The following ADGRB3 variants were observed in gnomAD, a reference collection of about 807,000 sequenced individuals.
ADGRB3 encodes adhesion G protein-coupled receptor B3, also known as brain-specific angiogenesis inhibitor 3.
ADGRB3 carries 37 observed loss-of-function variants against 193.4 expected under a neutral mutation model. The observed-to-expected ratio is 0.19, with a 90% CI of 0.15 to 0.25. ADGRB3 has a LOEUF of 0.25. ADGRB3 is among the 10% of genes least tolerant of loss of function. The pLI is 1.00. For missense variants in ADGRB3, 1,637 were observed against 1,852.9 expected, an observed-to-expected ratio of 0.88 and a Z score of 2.14; for synonymous variants, 690 against 644.2, an observed-to-expected ratio of 1.07 and a Z score of -1.08.
intron 3 of ADGRB3, among the ~76,000 whole-genome samples, chr6:68,835,198 C>G (rs573018857): frequency 6.6e-6 from 1 of 152,092 alleles, no homozygotes; most frequent in Non-Finnish European, 1.5e-5. Flanking sequence ...ATTTTAAATA[C>G]TTTCCATATA....
intron 13 of ADGRB3, among the ~76,000 whole-genome samples, chr6:69,042,277 G>A (rs1172253501): frequency 6.6e-6 from 1 of 152,092 alleles, no homozygotes; most frequent in Non-Finnish European, 1.5e-5. Flanking sequence ...ATTGCAACAC[G>A]AGAACAGCCT....
intron 6 of ADGRB3, among the ~76,000 whole-genome samples, chr6:68,952,611 C>T (rs1767958406): frequency 6.6e-6 from 1 of 151,950 alleles, no homozygotes; most frequent in Admixed American, 6.6e-5. Flanking sequence ...AACAAACCTG[C>T]ACGTTGTGCA....
intron 3 of ADGRB3, among the ~76,000 whole-genome samples, chr6:68,827,135 G>A (rs563585019): frequency 1.1e-4 from 17 of 152,226 alleles, no homozygotes; most frequent in African/African-American, 3.1e-4. Context: ...TCTATATTGC[G>A]AGATTTGGGA....
chr6:69,329,431 C>T (rs530800092), intron 22 of ADGRB3, among the ~76,000 whole-genome samples: 1 of 152,030 alleles, frequency 6.6e-6, no homozygotes, highest in African/African-American at 2.4e-5. Context: ...TATATAATTA[C>T]CTTACATACT....
At chr6:68,970,239 C>T (rs909440370) in intron 8 of ADGRB3, among the ~76,000 whole-genome samples, 2 of 151,832 alleles carry the variant, frequency 1.3e-5, no homozygotes, top group African/African-American at 4.8e-5. Flanking sequence ...ACCTTGCCTC[C>T]TCCCTTTGAC....
chr6:69,382,212 C>T (rs1769964174), intron 30 of ADGRB3, among the ~76,000 whole-genome samples: 1 of 151,932 alleles, frequency 6.6e-6, no homozygotes, highest in African/African-American at 2.4e-5. Context: ...TGTTAAGAAT[C>T]TATACCATCT....
chr6:68,662,588 T>G (rs937445875), intron 3 of ADGRB3, among the ~76,000 whole-genome samples: 3 of 151,530 alleles, frequency 2.0e-5, no homozygotes, highest in African/African-American at 7.3e-5. Flanking sequence ...TTTAGGAGTC[T>G]GAGTTAAAGA....
intron 3 of ADGRB3, among the ~76,000 whole-genome samples, chr6:68,854,593 C>A (rs569422954): frequency 6.6e-6 from 1 of 151,820 alleles, no homozygotes; most frequent in Admixed American, 6.6e-5. Context: ...TTGGTGCAAA[C>A]AAGTGACCAG....
At chr6:69,069,731 TAAAAAAAA>T (rs754345752) in intron 16 of ADGRB3, among the ~76,000 whole-genome samples, 1 of 108,238 alleles carries the variant, frequency 9.2e-6, no homozygotes, top group African/African-American at 4.0e-5. Context: ...ACTCTCTCAT[TAAAAAAAA>T]AAAAAAAAAA....
At chr6:68,891,571 CAGAA>C (rs1272372877) in intron 3 of ADGRB3, among the ~76,000 whole-genome samples, 1 of 152,044 alleles carries the variant, frequency 6.6e-6, no homozygotes, top group Admixed American at 6.6e-5. Flanking sequence ...ATGTCTGAGT[CAGAA>C]GGAAGGAGTC....
chr6:69,082,390 C>A, intron 17 of ADGRB3, among the ~76,000 whole-genome samples: 1 of 152,046 alleles, frequency 6.6e-6, no homozygotes, highest in Admixed American at 6.6e-5. Flanking sequence ...TAGATTCACC[C>A]ATAATTTGTC....
At chr6:68,899,526 G>T (rs1432755668) in intron 3 of ADGRB3, among the ~76,000 whole-genome samples, 1 of 145,006 alleles carries the variant, frequency 6.9e-6, no homozygotes, top group East Asian at 2.1e-4. Context: ...CCACCTATGA[G>T]TGAGAATATG....
At chr6:69,126,766 C>T (rs1472562537) in intron 17 of ADGRB3, among the ~76,000 whole-genome samples, 1 of 152,056 alleles carries the variant, frequency 6.6e-6, no homozygotes, top group East Asian at 1.9e-4. Context: ...AAGTTGACAC[C>T]TAAAATTAAC....
At chr6:69,190,287 T>G (rs1765160256) in intron 17 of ADGRB3, among the ~76,000 whole-genome samples, 1 of 152,088 alleles carries the variant, frequency 6.6e-6, no homozygotes, top group Non-Finnish European at 1.5e-5. Flanking sequence ...TGAGACAAGC[T>G]GTGGAGGTGG....
intron 3 of ADGRB3, among the ~76,000 whole-genome samples, chr6:68,800,319 G>A (rs6929378): frequency 0.72 from 109,581 of 151,964 alleles, 39,826 homozygotes; most frequent in Middle Eastern, 0.88. Context: ...AAATCAAAAA[G>A]TTGTTTTTGG....
At chr6:69,342,264 T>C (rs1239807284) in intron 26 of ADGRB3, among the ~76,000 whole-genome samples, 3 of 152,166 alleles carry the variant, frequency 2.0e-5, no homozygotes, top group Non-Finnish European at 4.4e-5. Flanking sequence ...TAGTTCAAGT[T>C]GAATAATTTT....
At chr6:68,863,752 C>G (rs1167709970) in intron 3 of ADGRB3, among the ~76,000 whole-genome samples, 1 of 152,058 alleles carries the variant, frequency 6.6e-6, no homozygotes, top group Non-Finnish European at 1.5e-5. Flanking sequence ...ATGATTATTG[C>G]CTGTAAGCTC....
chr6:69,046,986 T>C (rs1028757124), intron 13 of ADGRB3, among the ~76,000 whole-genome samples: 4 of 152,094 alleles, frequency 2.6e-5, no homozygotes, highest in African/African-American at 9.7e-5. Context: ...GCCTCCCGAG[T>C]AGCTGGGACT....
At chr6:68,799,724 G>A (rs1273130938) in intron 3 of ADGRB3, among the ~76,000 whole-genome samples, 1 of 152,162 alleles carries the variant, frequency 6.6e-6, no homozygotes, top group African/African-American at 2.4e-5. Flanking sequence ...AAAGATCCCT[G>A]TGAGAAGGTG....
Sources: gnomAD v4.1 joint callset for allele counts (sites outside exome capture counted in the v4.1 genomes callset) on GRCh38, gnomAD v4.1.1 for gene constraint, MANE v1.5 for transcripts, NCBI Gene and HGNC (gene_info 2026-07-23, HGNC 2026-07-21) for gene names.